The following FER variants were observed in gnomAD, a reference collection of about 807,000 sequenced individuals.
FER encodes tyrosine-protein kinase Fer.
FER carries 63 observed loss-of-function variants against 111.0 expected under a neutral mutation model. The observed-to-expected ratio is 0.57, with a 90% confidence interval of 0.46 to 0.70. FER has a LOEUF of 0.70. Among genes scored for constraint, FER ranks in the 30% least tolerant of loss-of-function variants. The pLI, the probability that FER is intolerant of heterozygous loss-of-function variation, is 0.00. For missense variants in FER, 914 were observed against 954.0 expected (o/e 0.96, Z 0.55); for synonymous variants, 327 against 313.9 (o/e 1.04, Z -0.44).
intron 13 of FER, among the ~76,000 whole-genome samples, chr5:108,998,519 C>A (rs1490031799): frequency 6.6e-6 from 1 of 152,194 alleles, no homozygotes; most frequent in Non-Finnish European, 1.5e-5. Flanking sequence ...CCGGATACCT[C>A]AGTTACAAAT....
rs114950698 is a variant in FER, at chr5:108,802,382, C to T, written c.207+3993C>T. The stretch of plus-strand genomic sequence containing the variant: ...ATAATTCAACTTTTATTTTAGATTC[C>T]GGGGGTACACATGCAGGTTTGTTAC... On this transcript the variant is annotated intron_variant, in intron 3 of 19. Coordinates refer to ENST00000281092, the MANE Select transcript of FER (RefSeq NM_005246.4). Among the ~76,000 whole-genome samples the T allele has an allele frequency of 2.8e-3, 432 of 151,870 alleles. 1 individual carries two copies. Among genetic ancestry groups the T allele is most frequent in the Non-Finnish European group, 3.6e-3 (244 of 67,928 alleles).
At chr5:109,144,909 C>T (rs1753909338) in intron 17 of FER, among the ~76,000 whole-genome samples, 1 of 152,004 alleles carries the variant, frequency 6.6e-6, no homozygotes, top group South Asian at 2.1e-4. Flanking sequence ...TACAGTTTCT[C>T]CTCCCATCTA....
intron 8 of FER, 40 bp from the exon 9 acceptor site, chr5:108,883,356 T>C: frequency 6.5e-7 from 1 of 1,549,280 alleles, no homozygotes; most frequent in Admixed American, 1.9e-5. Flanking sequence ...AAAGTGAAAA[T>C]TAATTTGTTG....
intron 11 of FER, among the ~76,000 whole-genome samples, chr5:108,946,543 G>C (rs932080875): frequency 2.6e-5 from 4 of 151,820 alleles, no homozygotes; most frequent in African/African-American, 7.3e-5. Flanking sequence ...TGGAATAATA[G>C]TGTAAACAAT....
chr5:108,914,601 A>G (rs1330993702), intron 10 of FER, among the ~76,000 whole-genome samples: 1 of 152,210 alleles, frequency 6.6e-6, no homozygotes, highest in Non-Finnish European at 1.5e-5. Flanking sequence ...ATCATCAGAC[A>G]TTAATATGTA....
chr5:108,806,054 T>C (rs1046788223), intron 3 of FER, among the ~76,000 whole-genome samples: 10 of 152,176 alleles, frequency 6.6e-5, no homozygotes, highest in Admixed American at 3.9e-4. Context: ...CATGGTATTG[T>C]GGGCCAAGCC....
At chr5:108,863,708 A>T (rs893205329) in intron 5 of FER, among the ~76,000 whole-genome samples, 1 of 152,162 alleles carries the variant, frequency 6.6e-6, no homozygotes. Flanking sequence ...CTGATTTCTG[A>T]TAAACATTAA....
intron 17 of FER, among the ~76,000 whole-genome samples, chr5:109,173,630 C>G (rs976569905): frequency 2.6e-5 from 4 of 152,164 alleles, no homozygotes; most frequent in Non-Finnish European, 4.4e-5. Context: ...CCAGTTTTCT[C>G]TTATTTTTTC....
intron 13 of FER, among the ~76,000 whole-genome samples, chr5:108,995,801 C>T (rs575496785): frequency 2.0e-5 from 3 of 152,292 alleles, no homozygotes; most frequent in Non-Finnish European, 2.9e-5. Context: ...ATTGCTGGGT[C>T]AAATGGTATT....
At chr5:108,755,730 C>G (rs951152809) in intron 1 of FER, among the ~76,000 whole-genome samples, 2 of 151,782 alleles carry the variant, frequency 1.3e-5, no homozygotes, top group African/African-American at 4.8e-5. Flanking sequence ...AGGTGATCCA[C>G]CCGCCTTGGC....
chr5:109,180,756 T>C lies in FER; in HGVS notation c.2058T>C (p.Ala686=). ...ESKNCIHRDL[A]ARNCLVGENN... ...TCTTACTGTAACCTAGGGACCTTGC[T>C]GCAAGAAACTGCCTGGTAGGTGAAA... The change falls in exon 18 of 20, where the codon GCT becomes GCC. Residue 686 remains alanine, a synonymous_variant. Transcript: ENST00000281092. The C allele has an allele frequency of 6.2e-7, 1 of 1,611,530 alleles. No homozygotes were observed. The highest frequency in any genetic ancestry group is 2.2e-5 in the East Asian group (1 of 44,798).
intron 16 of FER, among the ~76,000 whole-genome samples, chr5:109,076,259 T>G (rs1463882303): frequency 1.3e-5 from 2 of 152,196 alleles, no homozygotes; most frequent in Non-Finnish European, 2.9e-5. Flanking sequence ...GAAACTATTA[T>G]GTAGCAACAT....
At chr5:108,887,031 A>G (rs1026140815) in intron 9 of FER, among the ~76,000 whole-genome samples, 4 of 151,820 alleles carry the variant, frequency 2.6e-5, no homozygotes, top group Admixed American at 6.6e-5. Flanking sequence ...ATGTTTAAAT[A>G]TGCATATATA....
chr5:108,869,835 T>G (rs1285974248), intron 6 of FER, among the ~76,000 whole-genome samples: 1 of 152,122 alleles, frequency 6.6e-6, no homozygotes, highest in Admixed American at 6.6e-5. Flanking sequence ...AAAATAAAGA[T>G]AATTTGATAG....
intron 17 of FER, among the ~76,000 whole-genome samples, chr5:109,178,520 C>T (rs1176632822): frequency 1.3e-5 from 2 of 152,204 alleles, no homozygotes; most frequent in Non-Finnish European, 2.9e-5. Flanking sequence ...ACTGAAAACT[C>T]ATTCCGACCA....
At chr5:109,126,359 A>G (rs1366733839) in intron 17 of FER, among the ~76,000 whole-genome samples, 2 of 152,136 alleles carry the variant, frequency 1.3e-5, no homozygotes, top group African/African-American at 4.8e-5. Flanking sequence ...AACAGGAGCA[A>G]TACTCTTTTG....
At chr5:109,104,692 A>T (rs1322503894) in intron 17 of FER, among the ~76,000 whole-genome samples, 1 of 152,196 alleles carries the variant, frequency 6.6e-6, no homozygotes, top group Non-Finnish European at 1.5e-5. Flanking sequence ...AACAAAATTT[A>T]CAAAACCCTA....
chr5:109,184,496 A>G (rs1272110214), intron 18 of FER, among the ~76,000 whole-genome samples: 2 of 152,212 alleles, frequency 1.3e-5, no homozygotes, highest in African/African-American at 4.8e-5. Flanking sequence ...ATAAGCTTTT[A>G]CTTCCAGAAT....
rs1024713504 is a variant in FER, at chr5:108,996,245, T to G, written c.1656+36898T>G. On this transcript the variant is annotated intron_variant, in intron 13 of 19. Transcript: ENST00000281092. Reference sequence around the variant, plus strand: ...ACTCTGATGATAGTTTCTTTTGCTGTGTGGAAGCTCTCTAGTTTAATTTGA... The same window carrying G: ...ACTCTGATGATAGTTTCTTTTGCTGGGTGGAAGCTCTCTAGTTTAATTTGA... 5.9e-5 allele frequency among the ~76,000 whole-genome samples: 9 copies of G among 152,334 alleles called. No homozygotes were observed. In the South Asian group the frequency reaches 1.9e-3, roughly 32 times the overall value.
Sources: gnomAD v4.1 joint callset for allele counts (sites outside exome capture counted in the v4.1 genomes callset) on GRCh38, gnomAD v4.1.1 for gene constraint, MANE v1.5 for transcripts, NCBI Gene and HGNC (gene_info 2026-07-23, HGNC 2026-07-21) for gene names.